The following VCP variants were observed in gnomAD, a reference collection of about 807,000 sequenced individuals.
VCP encodes the protein transitional endoplasmic reticulum ATPase.
In VCP, 6 loss-of-function variants were observed where a neutral mutation model predicts 85.7. That is an observed-to-expected ratio of 0.07 (90% CI 0.04 to 0.14). The LOEUF (loss-of-function observed/expected upper bound fraction) is 0.14, where lower values mean the gene tolerates loss of function less well. VCP is among the 10% of genes least tolerant of loss of function. The pLI is 1.00. For missense variants in VCP, 353 were observed against 1,043.4 expected (o/e 0.34, Z 9.12); for synonymous variants, 384 against 367.1 (o/e 1.05, Z -0.53).
chr9:35,068,381 G>T lies in VCP; in HGVS notation c.18-19C>A, dbSNP rs375337185. ...TTTTGAACTAGAAGGAGGAAATGGA[G>T]TCAGTAGATACTCCTGCCCCAAGCG... On this transcript the variant is annotated intron_variant, in intron 1 of 16. Transcript: ENST00000358901. 2.2e-5 allele frequency: 35 copies of T among 1,607,154 alleles called. No homozygotes were observed. The highest frequency in any genetic ancestry group is 3.0e-5 in the Non-Finnish European group (35 of 1,173,724).
At chr9:35,064,991 C>T (rs960625051) in intron 5 of VCP, among the ~76,000 whole-genome samples, 21 of 152,200 alleles carry the variant, frequency 1.4e-4, no homozygotes, top group African/African-American at 4.1e-4. Flanking sequence ...CCTCAGCCTC[C>T]TGAGTAGCTG....
At chr9:35,058,611 C>CAG (rs1828657940) in intron 15 of VCP, among the ~76,000 whole-genome samples, 2 of 151,818 alleles carry the variant, frequency 1.3e-5, no homozygotes, top group Non-Finnish European at 2.9e-5. Flanking sequence ...AAAAAAAATA[C>CAG]AAAAAACTAG....
intron 13 of VCP, among the ~76,000 whole-genome samples, 178 bp downstream of exon 13, chr9:35,060,131 AAGAG>A (rs1347258525): frequency 1.4e-5 from 1 of 69,262 alleles, no homozygotes; most frequent in African/African-American, 2.9e-5. Context: ...ACCCTGTCTC[AAGAG>A]AGAGAGAGAG....
intron 4 of VCP, 64 bp from the exon 5 acceptor site, chr9:35,065,445 T>C: frequency 7.5e-6 from 12 of 1,609,436 alleles, no homozygotes; most frequent in Non-Finnish European, 1.0e-5. Context: ...TGAGAACTCA[T>C]CAGACCCTGG....
chr9:35,067,149 G>C (rs903291249), intron 3 of VCP, among the ~76,000 whole-genome samples: 2 of 152,096 alleles, frequency 1.3e-5, no homozygotes, highest in African/African-American at 4.8e-5. Flanking sequence ...CAATTGTCAG[G>C]GTCAGTGAAA....
At chr9:35,065,495 G>C (rs1263662709) in intron 4 of VCP, 114 bp from the exon 5 acceptor site, 1 of 1,416,592 alleles carries the variant, frequency 7.1e-7, no homozygotes, top group Admixed American at 1.9e-5. Flanking sequence ...CCCTTCATTA[G>C]ATATTGCCCT....
At position 35,068,296 on chromosome 9, in the gene VCP, A is replaced by T. The variant is rs1587130660; in HGVS notation, c.84T>A (p.Val28=). The change falls in exon 2 of 17, where the codon GTT becomes GTA. Residue 28 remains valine, a synonymous_variant. Coordinates refer to ENST00000358901, the MANE Select transcript of VCP (RefSeq NM_007126.5). ...TGTTGTCCTCATTGATGGCTTCATCAACAATTAACCGATTGGGACGGTTCT... is the reference window on the plus strand; with the variant it reads ...TGTTGTCCTCATTGATGGCTTCATCTACAATTAACCGATTGGGACGGTTCT... The part of the protein sequence containing the change: ...KQKNRPNRLI[V]DEAINEDNSV... 1.2e-6 allele frequency: 2 copies of T among 1,614,216 alleles called. No homozygotes were observed. The highest frequency in any genetic ancestry group is 3.3e-5 in the Admixed American group (2 of 60,028).
chr9:35,065,241 GA>G lies in VCP; in HGVS notation c.576+9del. On this transcript the variant is annotated intron_variant, in intron 5 of 16. Coordinates refer to ENST00000358901, the MANE Select transcript of VCP (RefSeq NM_007126.5). ...TAAAATCGGATACTGGAATCAGGGA[GA>G]AAACTCACCTCTCGTTTGATAGGCT... The G allele has an allele frequency of 6.2e-7, 1 of 1,614,136 alleles. No individual in the cohort carries two copies. The highest frequency in any genetic ancestry group is 1.1e-5 in the South Asian group (1 of 91,088).
rs776897082 is a variant in VCP, at chr9:35,063,000, T to C, written c.789A>G (p.Gly263=). 2 of 1,613,984 alleles carry C rather than the reference T, an allele frequency of 1.2e-6. No individual in the cohort carries two copies. Among genetic ancestry groups the C allele is most frequent in the Admixed American group, 3.3e-5 (2 of 60,004 alleles). Residue 263 remains glycine, a synonymous_variant, in exon 7 of 17, where the codon GGA becomes GGG. Transcript: ENST00000358901. ...CACCATTGATCAAGAAGAAGAAGGC[T>C]CCAGTCTCATTTGCTACAGCTCGAG... The part of the protein sequence containing the change: ...LIARAVANET[G]AFFFLINGPE...
At chr9:35,058,645 T>C (rs973121604) in intron 15 of VCP, among the ~76,000 whole-genome samples, 1 of 152,170 alleles carries the variant, frequency 6.6e-6, no homozygotes, top group Non-Finnish European at 1.5e-5. Flanking sequence ...CATGTGCCTG[T>C]AGTCCCAGCT....
At chr9:35,071,647 T>G in intron 1 of VCP, 1 of 947,778 alleles carries the variant, frequency 1.1e-6, no homozygotes, top group Non-Finnish European at 1.3e-6. Context: ...TGGCTCAAAC[T>G]TTCTAGTATG....
At chr9:35,058,802 T>C (rs1381211419) in intron 15 of VCP, among the ~76,000 whole-genome samples, 1 of 152,114 alleles carries the variant, frequency 6.6e-6, no homozygotes, top group Non-Finnish European at 1.5e-5. Context: ...AAAAAAAACC[T>C]TGCTGTGTTT....
At chr9:35,063,335 T>C (rs1386577496) in intron 6 of VCP, among the ~76,000 whole-genome samples, 1 of 152,200 alleles carries the variant, frequency 6.6e-6, no homozygotes, top group Non-Finnish European at 1.5e-5. Flanking sequence ...AGAGAAACTG[T>C]AGTCCAAATG....
rs200169287 is a variant in VCP, at chr9:35,059,540, G to C, written c.1957C>G (p.Arg653Gly). The C allele has an allele frequency of 6.2e-7, 1 of 1,614,120 alleles. No individual in the cohort carries two copies. Among genetic ancestry groups the C allele is most frequent in the East Asian group, 2.2e-5 (1 of 44,880 alleles). The change falls in exon 14 of 17, where the codon CGT (arginine) becomes GGT (glycine). Residue 653 changes from arginine (R) to glycine (G), a missense_variant. Arg to Gly is a moderately radical substitution (Grantham distance 125). Transcript: ENST00000358901. This position sits in a 1 kb window ranked among gnomAD's most constrained non-coding sequence, Gnocchi z 4.9. Reference sequence around the variant, plus strand: ...AGGTTAGCCTTGAGGATGGCAACACGGGACTTCTCATCAGGAAGTGGGATG... The same window carrying C: ...AGGTTAGCCTTGAGGATGGCAACACCGGACTTCTCATCAGGAAGTGGGATG... ...IYIPLPDEKS[R>G]VAILKANLRK...
At chr9:35,063,806 A>G (rs774581194) in intron 6 of VCP, among the ~76,000 whole-genome samples, 3 of 152,224 alleles carry the variant, frequency 2.0e-5, no homozygotes, top group Admixed American at 6.5e-5. Flanking sequence ...ACTGGGTGAC[A>G]TTGCTCTAGA....
chr9:35,064,030 A>T, intron 6 of VCP, 124 bp downstream of exon 6: 1 of 1,490,698 alleles, frequency 6.7e-7, no homozygotes, highest in Non-Finnish European at 9.3e-7. Flanking sequence ...AGGATACGTT[A>T]TTGCCCCTCT....
chr9:35,071,618 T>A (rs746768696), intron 1 of VCP: 145 of 746,900 alleles, frequency 1.9e-4, no homozygotes, highest in Non-Finnish European at 2.2e-4. Context: ...CACCCACGAG[T>A]CATAACATTA....
At chr9:35,071,616 A>G (rs973976801) in intron 1 of VCP, 16 of 706,802 alleles carry the variant, frequency 2.3e-5, no homozygotes, top group Non-Finnish European at 2.6e-5. Context: ...CCCACCCACG[A>G]GTCATAACAT....
chr9:35,068,196 G>A (rs753417821), intron 2 of VCP, 55 bp downstream of exon 2: 29 of 1,608,046 alleles, frequency 1.8e-5, no homozygotes, highest in Non-Finnish European at 2.4e-5. Context: ...AGAAACCTGG[G>A]AAAATCCCTC....
Sources: gnomAD v4.1 joint callset for allele counts (sites outside exome capture counted in the v4.1 genomes callset) on GRCh38, gnomAD v4.1.1 for gene constraint, Gnocchi (gnomAD v3.1) non-coding constraint, MANE v1.5 for transcripts, NCBI Gene and HGNC (gene_info 2026-07-23, HGNC 2026-07-21) for gene names.